The following LRRFIP2 variants were observed in gnomAD, a reference collection of about 807,000 sequenced individuals.
The protein encoded by LRRFIP2 is leucine-rich repeat flightless-interacting protein 2.
A neutral mutation model predicts 125.9 loss-of-function variants in LRRFIP2; 109 were observed. That is an observed-to-expected ratio of 0.87 (90% CI 0.74 to 1.01). The LOEUF (loss-of-function observed/expected upper bound fraction) is 1.01. LRRFIP2 is among the 50% of genes least tolerant of loss of function. The pLI is 0.00. For synonymous variants in LRRFIP2, 291 were observed against 293.1 expected (o/e 0.99, Z 0.07); for missense variants, 850 against 862.3 (o/e 0.99, Z 0.18).
chr3:37,130,700 A>G (rs1047109067), intron 2 of LRRFIP2, among the ~76,000 whole-genome samples: 1 of 152,174 alleles, frequency 6.6e-6, no homozygotes, highest in Non-Finnish European at 1.5e-5. Context: ...TATGCTACCC[A>G]TTTGTTAGCT....
chr3:37,175,600 T>C (rs1434018483), upstream of LRRFIP2, among the ~76,000 whole-genome samples: 1 of 152,128 alleles, frequency 6.6e-6, no homozygotes, highest in African/African-American at 2.4e-5. Flanking sequence ...AGCTAGCGCC[T>C]GTTAAACCCG....
chr3:37,096,202 A>G (rs1197017646), intron 16 of LRRFIP2, among the ~76,000 whole-genome samples: 6 of 152,236 alleles, frequency 3.9e-5, no homozygotes, highest in African/African-American at 9.6e-5. Context: ...TTCAGAAGAA[A>G]GAGACTTTAA....
At position 37,108,193 on chromosome 3, in the gene LRRFIP2, C is replaced by T. The variant is rs533036366; in HGVS notation, c.658-64G>A. Reference sequence around the variant, plus strand: ...TCACCTCATTATTCTAATGAGAATACATTAGGGACCATTTACCTAACTTGC... The same window carrying T: ...TCACCTCATTATTCTAATGAGAATATATTAGGGACCATTTACCTAACTTGC... On this transcript the variant is annotated intron_variant, in intron 12 of 27. Transcript: ENST00000336686. 171 of 1,268,492 alleles carry T rather than the reference C, an allele frequency of 1.3e-4. 3 individuals are homozygous for T. The South Asian group carries it at 2.0e-3, about 15-fold the overall frequency. 78.6% of individuals were successfully genotyped at this position (1,268,492 alleles called of 1,614,324 possible).
intron 15 of LRRFIP2, among the ~76,000 whole-genome samples, chr3:37,098,435 T>C (rs2093843957): frequency 6.6e-6 from 1 of 151,798 alleles, no homozygotes; most frequent in Non-Finnish European, 1.5e-5. Flanking sequence ...TCACCCAGGC[T>C]GGAGTGCAAT....
chr3:37,170,815 T>C (rs1162338302), intron 1 of LRRFIP2: 3 of 152,252 alleles, frequency 2.0e-5, no homozygotes, highest in Non-Finnish European at 4.4e-5. Context: ...GGCTCATGCT[T>C]GTAATCCCAG....
intron 2 of LRRFIP2, among the ~76,000 whole-genome samples, chr3:37,138,745 G>C (rs1364165545): frequency 2.0e-5 from 3 of 152,148 alleles, no homozygotes; most frequent in Non-Finnish European, 2.9e-5. Flanking sequence ...AGATGCAGTA[G>C]GAAAACTAAC....
chr3:37,131,570 T>C (rs779498478), intron 2 of LRRFIP2, among the ~76,000 whole-genome samples: 1 of 152,250 alleles, frequency 6.6e-6, no homozygotes, highest in Non-Finnish European at 1.5e-5. Flanking sequence ...GTTTCCTCTG[T>C]CCTTGGTCAC....
chr3:37,111,198 AATC>A (rs1448316995), intron 8 of LRRFIP2, 133 bp from the exon 9 acceptor site: 20 of 614,122 alleles, frequency 3.3e-5, no homozygotes, highest in Admixed American at 3.0e-5. Context: ...AATGTTTTTA[AATC>A]ATCATATCAC....
intron 1 of LRRFIP2, among the ~76,000 whole-genome samples, chr3:37,158,459 T>G (rs990366696): frequency 6.6e-6 from 1 of 151,164 alleles, no homozygotes; most frequent in African/African-American, 2.4e-5. Flanking sequence ...ATACAAAAAA[T>G]AGCCAGGCAT....
intron 19 of LRRFIP2, among the ~76,000 whole-genome samples, chr3:37,076,162 T>A (rs1242336635): frequency 3.9e-5 from 6 of 151,908 alleles, no homozygotes; most frequent in African/African-American, 1.5e-4. Flanking sequence ...GGGCAATCTT[T>A]ACTGAAAAAA....
At chr3:37,111,131 G>A (rs2094532507) in intron 8 of LRRFIP2, 66 bp from the exon 9 acceptor site, 1 of 1,352,254 alleles carries the variant, frequency 7.4e-7, no homozygotes, top group Non-Finnish European at 1.0e-6. Context: ...AACACACAAA[G>A]GCAAAACTGA....
At chr3:37,073,862 T>G (rs2091652943) in intron 20 of LRRFIP2, among the ~76,000 whole-genome samples, 1 of 152,204 alleles carries the variant, frequency 6.6e-6, no homozygotes, top group Non-Finnish European at 1.5e-5. Context: ...GTTGGCATTT[T>G]GGCACAAAAA....
intron 1 of LRRFIP2, among the ~76,000 whole-genome samples, chr3:37,151,794 C>T (rs1577601445): frequency 1.3e-5 from 2 of 152,082 alleles, no homozygotes; most frequent in Non-Finnish European, 2.9e-5. Flanking sequence ...AACGGGGTTT[C>T]GCCATGTTGG....
At chr3:37,055,520 C>T (rs772258823) in intron 25 of LRRFIP2, among the ~76,000 whole-genome samples, 6 of 152,212 alleles carry the variant, frequency 3.9e-5, no homozygotes, top group African/African-American at 1.2e-4. Flanking sequence ...GAGCTAAGAT[C>T]GCGCCACTGC....
intron 1 of LRRFIP2, among the ~76,000 whole-genome samples, chr3:37,151,156 C>T (rs942342217): frequency 6.6e-6 from 1 of 152,158 alleles, no homozygotes; most frequent in African/African-American, 2.4e-5. Context: ...ATCAGGAGTT[C>T]AAGACCAGTC....
rs754691114 is a variant in LRRFIP2, at chr3:37,094,828, G to C, written c.999C>G (p.Ser333Arg). 1 of 1,613,888 alleles carries C rather than the reference G, an allele frequency of 6.2e-7. No individual in the cohort carries two copies. The highest frequency in any genetic ancestry group is 1.1e-5 in the South Asian group (1 of 91,068). Residue 333 changes from serine to arginine, a missense_variant, in exon 17 of 28, where the codon AGC becomes AGG. Coordinates refer to ENST00000336686, the MANE Select transcript of LRRFIP2 (RefSeq NM_006309.4). The part of the protein sequence containing the change: ...SSRRGSGDTS[S>R]LIDPDTSLSE... ...TTAATGAAGTGTCTGGATCTATTAA[G>C]CTGCTGGTGTCCCCACTTCCTCGTC...
rs905174846 is a variant in LRRFIP2 at position 37,168,703 on chromosome 3, G to A, written c.-56+5836C>T. 4.6e-5 allele frequency among the ~76,000 whole-genome samples: 7 copies of A among 152,360 alleles called. No individual in the cohort carries two copies. The South Asian group carries it at 8.3e-4, about 18-fold the overall frequency. On this transcript the variant is annotated intron_variant, in intron 1 of 27. Transcript: ENST00000336686. ...ACACAGTCATGTGCTGCATAAGGAT[G>A]TTCCAGTCAACAATGGATTACACAT...
chr3:37,165,265 G>T (rs2096451113), intron 1 of LRRFIP2, among the ~76,000 whole-genome samples: 1 of 151,364 alleles, frequency 6.6e-6, no homozygotes, highest in East Asian at 1.9e-4. Flanking sequence ...AAAAAAAAAT[G>T]AACTGTGCAT....
intron 1 of LRRFIP2, among the ~76,000 whole-genome samples, chr3:37,171,247 C>G (rs770262443): frequency 6.6e-6 from 1 of 152,178 alleles, no homozygotes; most frequent in Non-Finnish European, 1.5e-5. Context: ...TCCTTTATAA[C>G]TCCCCCTTCT....
Sources: gnomAD v4.1 joint callset for allele counts (sites outside exome capture counted in the v4.1 genomes callset) on GRCh38, gnomAD v4.1.1 for gene constraint, MANE v1.5 for transcripts, NCBI Gene and HGNC (gene_info 2026-07-23, HGNC 2026-07-21) for gene names.